Variants in KALRN observed in about 807,000 individuals in gnomAD.
KALRN encodes kalirin.
A neutral mutation model predicts 353.7 loss-of-function variants in KALRN; 70 were observed. The ratio of observed to expected loss-of-function variants is 0.20; its 90% CI spans 0.16 to 0.24. The LOEUF is 0.24. Ranked by LOEUF, KALRN falls within the 10% of genes least tolerant of loss-of-function variation. The probability of loss-of-function intolerance (pLI) is 1.00; values close to 1 mark genes in which losing one functional copy is unlikely to be tolerated. For missense variants in KALRN, 2,791 were observed against 3,756.7 expected, an observed-to-expected ratio of 0.74 and a Z score of 6.72; for synonymous variants, 1,391 against 1,434.8, an observed-to-expected ratio of 0.97 and a Z score of 0.69.
In KALRN at chr3:124,657,476, G is replaced by C; in HGVS notation, c.5891G>C (p.Gly1964Ala). ...TTCATGAAGAGAATAGAAGAAAAGG[G>C]TGTCCCTGAGGATATGCGAGGAAAG... ...EGFMKRIEEK[G>A]VPEDMRGKDK... Residue 1964 changes from glycine to alanine, a missense_variant, in exon 40 of 60, where the codon GGT becomes GCT. This residue lies in a region of KALRN where 1,065 missense variants were observed against 1,156.4 expected (regional missense o/e 0.92). Coordinates refer to ENST00000682506, the MANE Select transcript of KALRN (RefSeq NM_001388419.1). 1 of 1,613,944 alleles carries C rather than the reference G, an allele frequency of 6.2e-7. No individual in the cohort carries two copies. Among genetic ancestry groups the C allele is most frequent in the Admixed American group, 1.7e-5 (1 of 60,016 alleles).
chr3:124,465,806 G>A (rs1489477410), intron 25 of KALRN, among the ~76,000 whole-genome samples: 1 of 152,188 alleles, frequency 6.6e-6, no homozygotes, highest in East Asian at 1.9e-4. Context: ...TCCAGAGAGA[G>A]CCTATGGGAG....
At chr3:124,108,095 C>T (rs2062481685) in intron 1 of KALRN, among the ~76,000 whole-genome samples, 1 of 152,174 alleles carries the variant, frequency 6.6e-6, no homozygotes, top group Admixed American at 6.5e-5. Flanking sequence ...TGGCCAATTG[C>T]AGTCCAGTCT....
intron 1 of KALRN, among the ~76,000 whole-genome samples, chr3:124,124,006 G>T (rs2064338401): frequency 6.6e-6 from 1 of 152,210 alleles, no homozygotes; most frequent in Non-Finnish European, 1.5e-5. Context: ...CATCCTTTCT[G>T]TAGTTTATGG....
intron 54 of KALRN, among the ~76,000 whole-genome samples, chr3:124,696,721 A>G (rs1302579571): frequency 6.6e-6 from 1 of 152,106 alleles, no homozygotes; most frequent in Non-Finnish European, 1.5e-5. Flanking sequence ...AAATAAATAA[A>G]TAAGTGTACA....
chr3:124,047,404 G>A (rs896156290), intron 1 of KALRN, among the ~76,000 whole-genome samples: 10 of 151,354 alleles, frequency 6.6e-5, no homozygotes, highest in Admixed American at 1.3e-4. Flanking sequence ...TGTATTTATT[G>A]TCTATAAGCT....
intron 33 of KALRN, among the ~76,000 whole-genome samples, chr3:124,555,251 G>C (rs762681325): frequency 5.3e-5 from 8 of 151,860 alleles, no homozygotes; most frequent in Admixed American, 3.3e-4. Flanking sequence ...AAAGTTCTCA[G>C]CCCGGCGCAG....
intron 34 of KALRN, among the ~76,000 whole-genome samples, chr3:124,616,920 G>A (rs556670447): frequency 6.0e-5 from 9 of 149,362 alleles, no homozygotes; most frequent in Admixed American, 6.0e-4. Context: ...AGCTGAGATT[G>A]CACCACTGCA....
At chr3:124,037,267 G>A (rs796985932) in intron 1 of KALRN, among the ~76,000 whole-genome samples, 1 of 152,232 alleles carries the variant, frequency 6.6e-6, no homozygotes, top group African/African-American at 2.4e-5. Flanking sequence ...GCTAAGCGTT[G>A]TGGTGCTATA....
chr3:124,625,574 A>G (rs1452285680), intron 34 of KALRN, among the ~76,000 whole-genome samples: 1 of 152,164 alleles, frequency 6.6e-6, no homozygotes, highest in African/African-American at 2.4e-5. Flanking sequence ...CCAAAAAAAA[A>G]AAAGTACTGG....
chr3:124,072,069 A>G (rs1392482739), intron 1 of KALRN, among the ~76,000 whole-genome samples: 3 of 152,178 alleles, frequency 2.0e-5, no homozygotes, highest in South Asian at 2.1e-4. Context: ...TTTTTCTTCT[A>G]AGGACTAAAG....
intron 1 of KALRN, among the ~76,000 whole-genome samples, chr3:124,105,594 G>A (rs2062229254): frequency 6.6e-6 from 1 of 152,140 alleles, no homozygotes; most frequent in Non-Finnish European, 1.5e-5. Context: ...GAGAAGGAGA[G>A]TTAGGGAGCT....
At chr3:124,657,409 G>A (rs369759572) in intron 39 of KALRN, 39 bp from the exon 40 acceptor site, 47 of 1,463,916 alleles carry the variant, frequency 3.2e-5, no homozygotes, top group Non-Finnish European at 4.1e-5. Context: ...AAGCTTTCCT[G>A]TGAAAATATG....
chr3:124,557,263 G>A (rs1199068704), intron 33 of KALRN, among the ~76,000 whole-genome samples: 1 of 152,034 alleles, frequency 6.6e-6, no homozygotes, highest in Non-Finnish European at 1.5e-5. Flanking sequence ...TAGTATTGGG[G>A]CAGGGGGGCG....
At chr3:124,687,594 C>G (rs1195083449) in intron 51 of KALRN, among the ~76,000 whole-genome samples, 1 of 149,282 alleles carries the variant, frequency 6.7e-6, no homozygotes, top group East Asian at 2.0e-4. Context: ...AATCAATGTA[C>G]TTGACACATG....
At chr3:124,376,358 G>C (rs1000340688) in intron 10 of KALRN, among the ~76,000 whole-genome samples, 3 of 152,126 alleles carry the variant, frequency 2.0e-5, no homozygotes, top group African/African-American at 7.2e-5. Context: ...CTTATTCAGG[G>C]CACCTAAGAA....
chr3:124,304,400 G>A (rs2077518460), intron 6 of KALRN, among the ~76,000 whole-genome samples: 1 of 152,052 alleles, frequency 6.6e-6, no homozygotes, highest in African/African-American at 2.4e-5. Flanking sequence ...TAGGACCCCA[G>A]GATTGTAAAC....
chr3:124,633,720 AT>A, intron 35 of KALRN, 131 bp from the exon 36 acceptor site: 1 of 683,960 alleles, frequency 1.5e-6, no homozygotes, highest in South Asian at 1.9e-5. Flanking sequence ...AAAAGAGGAA[AT>A]TGCGACTGAA....
chr3:124,689,414 C>T (rs1450957990), intron 51 of KALRN, among the ~76,000 whole-genome samples: 4 of 151,978 alleles, frequency 2.6e-5, no homozygotes. Context: ...TTATGTTGCC[C>T]AGGCTGGTCT....
intron 6 of KALRN, among the ~76,000 whole-genome samples, chr3:124,325,303 A>G (rs1450544319): frequency 2.0e-5 from 3 of 152,114 alleles, no homozygotes; most frequent in Non-Finnish European, 4.4e-5. Context: ...ATCTTCCTAA[A>G]TCAAGCAGAG....
Sources: gnomAD v4.1 joint callset for allele counts (sites outside exome capture counted in the v4.1 genomes callset) on GRCh38, gnomAD v4.1.1 for gene constraint, gnomAD v4.1.1 regional missense constraint, MANE v1.5 for transcripts, NCBI Gene and HGNC (gene_info 2026-07-23, HGNC 2026-07-21) for gene names.